Variants in ANXA13 observed in about 807,000 individuals in gnomAD.
ANXA13 encodes annexin A13.
Under a neutral mutation model 46.6 loss-of-function variants are expected in ANXA13, and 36 were observed. The ratio of observed to expected loss-of-function variants is 0.77; its 90% CI spans 0.59 to 1.02. The LOEUF (loss-of-function observed/expected upper bound fraction) is 1.02, where lower values mean the gene tolerates loss of function less well. Among genes scored for constraint, ANXA13 ranks in the 50% least tolerant of loss-of-function variants. The probability of loss-of-function intolerance (pLI) is 0.00; values close to 1 mark genes in which losing one functional copy is unlikely to be tolerated. For missense variants in ANXA13, 417 were observed against 396.5 expected, an observed-to-expected ratio of 1.05 and a Z score of -0.44; for synonymous variants, 163 against 152.9, an observed-to-expected ratio of 1.07 and a Z score of -0.49.
chr8:123,684,109 G>T (rs548319980), intron 10 of ANXA13, among the ~76,000 whole-genome samples: 1 of 152,320 alleles, frequency 6.6e-6, no homozygotes, highest in African/African-American at 2.4e-5. Context: ...TGGCAATGAA[G>T]AAACACGTGT....
Position 123,699,632 on chromosome 8 carries a change from A to T in ANXA13, c.187-1073T>A, listed in dbSNP as rs376087311. On this transcript the variant is annotated intron_variant, in intron 3 of 10. Transcript: ENST00000419625. ...GGATGGGCATCAGCCTACCTAGAGT[A>T]GTTAATGCCCTAACTTAAACCAAAG... is the stretch of plus-strand genomic sequence containing the variant. Among the ~76,000 whole-genome samples, 9 of 152,384 alleles carry T rather than the reference A, an allele frequency of 5.9e-5. No homozygotes were observed. The East Asian group carries it at 1.5e-3, about 26-fold the overall frequency.
intron 1 of ANXA13, among the ~76,000 whole-genome samples, chr8:123,735,492 C>A (rs1814240019): frequency 6.6e-6 from 1 of 151,790 alleles, no homozygotes; most frequent in African/African-American, 2.4e-5. Context: ...CCTGGTGTAG[C>A]CTCATGTGCT....
chr8:123,734,814 T>C (rs1814219995), intron 1 of ANXA13, among the ~76,000 whole-genome samples: 1 of 149,654 alleles, frequency 6.7e-6, no homozygotes. Flanking sequence ...TGGCTCATGA[T>C]TTAAATGTCT....
chr8:123,721,440 C>A (rs565997394), intron 1 of ANXA13, among the ~76,000 whole-genome samples: 2 of 152,218 alleles, frequency 1.3e-5, no homozygotes, highest in African/African-American at 4.8e-5. Context: ...GTACCCACCT[C>A]GTATGGGTTG....
chr8:123,727,296 A>C (rs759067617), intron 1 of ANXA13, among the ~76,000 whole-genome samples: 4 of 152,162 alleles, frequency 2.6e-5, no homozygotes, highest in Non-Finnish European at 5.9e-5. Context: ...CATCAACAGG[A>C]GGATAAGGGT....
chr8:123,691,925 G>A (rs1813250693), intron 8 of ANXA13, among the ~76,000 whole-genome samples: 1 of 152,154 alleles, frequency 6.6e-6, no homozygotes, highest in Non-Finnish European at 1.5e-5. Flanking sequence ...TGTGGGCTCC[G>A]TAGTGTGGGA....
At chr8:123,697,801 G>A (rs1813369961) in intron 4 of ANXA13, among the ~76,000 whole-genome samples, 1 of 152,214 alleles carries the variant, frequency 6.6e-6, no homozygotes, top group African/African-American at 2.4e-5. Flanking sequence ...TGGAGCCAGA[G>A]ACAAATAGTT....
chr8:123,687,553 C>T (rs183179312), intron 9 of ANXA13, among the ~76,000 whole-genome samples: 21 of 152,002 alleles, frequency 1.4e-4, no homozygotes, highest in South Asian at 4.2e-4. Context: ...TTTAGGCCTC[C>T]GGATATCACA....
chr8:123,732,724 C>T (rs1814147045), intron 1 of ANXA13, among the ~76,000 whole-genome samples: 1 of 151,506 alleles, frequency 6.6e-6, no homozygotes, highest in Non-Finnish European at 1.5e-5. Flanking sequence ...GCCAAGATTG[C>T]ATAATTGTAC....
chr8:123,713,493 A>AT (rs1294133131), intron 1 of ANXA13, among the ~76,000 whole-genome samples: 1 of 152,210 alleles, frequency 6.6e-6, no homozygotes, highest in East Asian at 1.9e-4. Flanking sequence ...TAAAAAGGAA[A>AT]TTTTTGTGAG....
Position 123,720,657 on chromosome 8 carries a change from CGTGTGTGT to C in ANXA13, c.16-7912_16-7905del, listed in dbSNP as rs34135339. Among the ~76,000 whole-genome samples, 764 of 141,514 alleles carry C rather than the reference CGTGTGTGT, an allele frequency of 5.4e-3. 1 individual carries two copies. Among genetic ancestry groups the C allele is most frequent in the Non-Finnish European group, 7.5e-3 (490 of 65,430 alleles). 92.8% of individuals were successfully genotyped at this position (141,514 alleles called of 152,430 possible). A position where few individuals can be genotyped will look rare whatever the true frequency, so the allele number is the denominator to read the frequency against. ...CAGCTATGAACGTTTCCTGTGTCCC[CGTGTGTGT>C]GTGTGTGTGTGTGTGTGTGTGTGTG... On this transcript the variant is annotated intron_variant, in intron 1 of 10. Coordinates refer to ENST00000419625, the MANE Select transcript of ANXA13 (RefSeq NM_004306.4).
Position 123,680,956 on chromosome 8 carries a change from C to T in ANXA13, c.*284G>A. The T allele has an allele frequency of 3.1e-6, 1 of 324,436 alleles. No individual in the cohort carries two copies. The allele number at this position is 324,436 out of a possible 1,614,324, so 20.1% of individuals were successfully genotyped here. On this transcript the variant is annotated 3_prime_UTR_variant, in exon 11 of 11. Transcript: ENST00000419625. ...AAATGCATAGTTTTTTCATCAACTGCTGATTTCATTAGTGTTTAGAAAACA... is the reference window on the plus strand; with the variant it reads ...AAATGCATAGTTTTTTCATCAACTGTTGATTTCATTAGTGTTTAGAAAACA...
At chr8:123,725,400 A>G (rs1813964037) in intron 1 of ANXA13, among the ~76,000 whole-genome samples, 1 of 152,212 alleles carries the variant, frequency 6.6e-6, no homozygotes, top group African/African-American at 2.4e-5. Context: ...GGAAACATCC[A>G]TCTCCTATCT....
In ANXA13 at chr8:123,681,123, G is replaced by A; in HGVS notation, c.*117C>T. On this transcript the variant is annotated 3_prime_UTR_variant, in exon 11 of 11. Transcript: ENST00000419625. The stretch of plus-strand genomic sequence containing the variant: ...CTGGCTGCGCCACTTAAGCTGCCAA[G>A]AAAGTAATCCGGGACTCTTAAGGGT... The A allele has an allele frequency of 7.2e-7, 1 of 1,386,742 alleles. No homozygotes were observed. 85.9% of individuals were successfully genotyped at this position (1,386,742 alleles called of 1,614,324 possible). A position where few individuals can be genotyped will look rare whatever the true frequency, so the allele number is the denominator to read the frequency against.
At chr8:123,730,459 A>G (rs1474403459) in intron 1 of ANXA13, among the ~76,000 whole-genome samples, 3 of 152,164 alleles carry the variant, frequency 2.0e-5, no homozygotes, top group East Asian at 3.9e-4. Context: ...AATGTGCTGA[A>G]GTTTAAAATC....
chr8:123,719,889 C>A (rs890576917), intron 1 of ANXA13, among the ~76,000 whole-genome samples: 1 of 152,168 alleles, frequency 6.6e-6, no homozygotes, highest in Non-Finnish European at 1.5e-5. Context: ...AGTGGAGATG[C>A]ACCTGTGCAT....
chr8:123,698,430 C>T lies in ANXA13; in HGVS notation c.316G>A (p.Glu106Lys), dbSNP rs1204261342. 1.2e-6 allele frequency: 2 copies of T among 1,614,096 alleles called. No homozygotes were observed. Among genetic ancestry groups the T allele is most frequent in the East Asian group, 2.2e-5 (1 of 44,888 alleles). The stretch of plus-strand genomic sequence containing the variant: ...CACAGGACCTCAATGAGGACGGACT[C>T]ATCTGTGCCCAGACCCTTCATAGCC... ...QKAMKGLGTDESVLIEVLCTR... is the reference protein window; with the variant it reads ...QKAMKGLGTDKSVLIEVLCTR... The change falls in exon 4 of 11, where the codon GAG becomes AAG. Residue 106 changes from glutamate (E) to lysine (K), a missense_variant. Physicochemically the swap from Glu to Lys is moderately conservative, Grantham distance 56. Coordinates refer to ENST00000419625, the MANE Select transcript of ANXA13 (RefSeq NM_004306.4).
At chr8:123,699,281 A>G (rs1457090818) in intron 3 of ANXA13, among the ~76,000 whole-genome samples, 2 of 152,088 alleles carry the variant, frequency 1.3e-5, no homozygotes, top group African/African-American at 4.8e-5. Flanking sequence ...CTGGGCTCAG[A>G]TGATCCTCCC....
intron 1 of ANXA13, chr8:123,729,256 T>C (rs902707363): frequency 6.6e-6 from 1 of 152,220 alleles, no homozygotes; most frequent in African/African-American, 2.4e-5. Context: ...TCTATGGCCA[T>C]GCCTCCCTCT....
Sources: gnomAD v4.1 joint callset for allele counts (sites outside exome capture counted in the v4.1 genomes callset) on GRCh38, gnomAD v4.1.1 for gene constraint, MANE v1.5 for transcripts, NCBI Gene and HGNC (gene_info 2026-07-23, HGNC 2026-07-21) for gene names.